Variants in UBE2E2 observed in about 807,000 individuals in gnomAD.
The protein encoded by UBE2E2 is ubiquitin conjugating enzyme E2 E2.
In UBE2E2, 6 loss-of-function variants were observed where a neutral mutation model predicts 24.7. The observed-to-expected ratio is 0.24, with a 90% CI of 0.13 to 0.48. UBE2E2 has a LOEUF of 0.48. UBE2E2 is among the 20% of genes least tolerant of loss of function. The probability of loss-of-function intolerance (pLI) is 0.99; values close to 1 mark genes in which losing one functional copy is unlikely to be tolerated. For synonymous variants in UBE2E2, 104 were observed against 83.6 expected (o/e 1.24, Z -1.33); for missense variants, 169 against 245.0 (o/e 0.69, Z 2.07).
chr3:23,495,363 A>G (rs1476172534), intron 3 of UBE2E2, among the ~76,000 whole-genome samples: 2 of 152,184 alleles, frequency 1.3e-5, no homozygotes. Context: ...TCCCTTCCTC[A>G]GCCACACTAT....
intron 3 of UBE2E2, among the ~76,000 whole-genome samples, chr3:23,243,280 A>G (rs567271796): frequency 1.3e-5 from 2 of 152,138 alleles, no homozygotes; most frequent in Non-Finnish European, 2.9e-5. Flanking sequence ...TACTACTACT[A>G]ATACCATTAT....
intron 3 of UBE2E2, chr3:23,389,552 G>A: frequency 4.8e-6 from 1 of 206,698 alleles, no homozygotes. Context: ...CTGAGTCTTT[G>A]AAAATCTTCT....
chr3:23,560,899 AC>A (rs1417597035), intron 5 of UBE2E2, among the ~76,000 whole-genome samples: 2 of 151,990 alleles, frequency 1.3e-5, no homozygotes, highest in Non-Finnish European at 2.9e-5. Flanking sequence ...TCCTTTGCCC[AC>A]TTTTTGATGG....
At chr3:23,296,248 T>A (rs980739440) in intron 3 of UBE2E2, among the ~76,000 whole-genome samples, 1 of 152,202 alleles carries the variant, frequency 6.6e-6, no homozygotes, top group African/African-American at 2.4e-5. Context: ...TCACACTAGT[T>A]TGCATATTAT....
chr3:23,504,504 C>T (rs755101220), intron 4 of UBE2E2, among the ~76,000 whole-genome samples: 2 of 152,068 alleles, frequency 1.3e-5, no homozygotes, highest in Non-Finnish European at 2.9e-5. Context: ...TTTTTGGTAA[C>T]GATTGACAAA....
intron 3 of UBE2E2, among the ~76,000 whole-genome samples, chr3:23,432,603 G>T (rs1484662741): frequency 2.6e-5 from 4 of 151,642 alleles, no homozygotes; most frequent in Non-Finnish European, 5.9e-5. Context: ...TTACTTTCTC[G>T]TCTCAAGTTC....
intron 5 of UBE2E2, among the ~76,000 whole-genome samples, chr3:23,545,734 T>C (rs922789620): frequency 6.6e-6 from 1 of 152,118 alleles, no homozygotes; most frequent in African/African-American, 2.4e-5. Flanking sequence ...ACAGCGCAAT[T>C]GACAATCGCA....
At chr3:23,204,926 T>A (rs1308416815) in intron 1 of UBE2E2, 2 of 218,002 alleles carry the variant, frequency 9.2e-6, no homozygotes, top group East Asian at 3.7e-4. Context: ...GATACTGTTA[T>A]AAGGCTTACC....
intron 4 of UBE2E2, among the ~76,000 whole-genome samples, chr3:23,524,278 T>G (rs78373875): frequency 0.029 from 4,411 of 152,226 alleles, 107 homozygotes; most frequent in East Asian, 0.13. Flanking sequence ...CAAAATTACT[T>G]TTTATTTATA....
At chr3:23,304,400 T>C (rs945343633) in intron 3 of UBE2E2, among the ~76,000 whole-genome samples, 13 of 152,188 alleles carry the variant, frequency 8.5e-5, no homozygotes, top group African/African-American at 2.9e-4. Flanking sequence ...ATTTGTTGTG[T>C]TAGAACAGAT....
chr3:23,369,541 T>A lies in UBE2E2; in HGVS notation c.228-130067T>A, dbSNP rs140925175. ...GTACAGCTCATTTCCAGGGACTTGCTCTGTTGCTATTTCTCACTCAGCATG... is the reference window on the plus strand; with the variant it reads ...GTACAGCTCATTTCCAGGGACTTGCACTGTTGCTATTTCTCACTCAGCATG... On this transcript the variant is annotated intron_variant, in intron 3 of 5. Transcript: ENST00000396703. Among the ~76,000 whole-genome samples, 879 of 152,286 alleles carry A rather than the reference T, an allele frequency of 5.8e-3. 10 individuals are homozygous for A. The highest frequency in any genetic ancestry group is 0.02 in the African/African-American group (849 of 41,564).
intron 3 of UBE2E2, among the ~76,000 whole-genome samples, chr3:23,388,070 C>G (rs893021926): frequency 2.0e-5 from 3 of 152,130 alleles, no homozygotes; most frequent in African/African-American, 7.2e-5. Context: ...GCTGCTTTTT[C>G]CAAAACACCT....
intron 3 of UBE2E2, among the ~76,000 whole-genome samples, chr3:23,424,497 G>T (rs1651825090): frequency 1.4e-5 from 2 of 146,478 alleles, no homozygotes; most frequent in Admixed American, 6.8e-5. Flanking sequence ...CTTTTTCTTT[G>T]GCTTGCTAAG....
At position 23,457,907 on chromosome 3, in the gene UBE2E2, TGATGTGGCTGGTTTGATCTATTCAGAC is replaced by T. The variant is rs563900568; in HGVS notation, c.228-41700_228-41674del. Among the ~76,000 whole-genome samples, 1,325 of 152,292 alleles carry T rather than the reference TGATGTGGCTGGTTTGATCTATTCAGAC, an allele frequency of 8.7e-3. 38 individuals carry two copies. In the East Asian group the frequency reaches 0.089, roughly 10 times the overall value. On this transcript the variant is annotated intron_variant, in intron 3 of 5. Coordinates refer to ENST00000396703, the MANE Select transcript of UBE2E2 (RefSeq NM_152653.4). ...TGGATTAGGTTTTGGCTTGAAGGAGTGATGTGGCTGGTTTGATCTATTCAGACCACTAAAACTTTCTTCATATCAGCA... is the reference window on the plus strand; with the variant it reads ...TGGATTAGGTTTTGGCTTGAAGGAGTCACTAAAACTTTCTTCATATCAGCA...
intron 5 of UBE2E2, among the ~76,000 whole-genome samples, chr3:23,538,530 G>A (rs1695316452): frequency 1.3e-5 from 2 of 152,094 alleles, no homozygotes; most frequent in Non-Finnish European, 2.9e-5. Flanking sequence ...GTTTATTAAA[G>A]CCTTTGGGTT....
At chr3:23,504,890 G>A (rs1053320142) in intron 4 of UBE2E2, among the ~76,000 whole-genome samples, 4 of 104,784 alleles carry the variant, frequency 3.8e-5, no homozygotes. Context: ...TGTGTCTAAT[G>A]TTTCTGTTTC....
In UBE2E2 at chr3:23,589,253, C is replaced by CA. The variant is rs77436946; in HGVS notation, c.509-472dup. 1.3e-5 allele frequency among the ~76,000 whole-genome samples: 2 copies of CA among 150,592 alleles called. No homozygotes were observed. The highest frequency in any genetic ancestry group is 2.4e-5 in the African/African-American group (1 of 41,024). On this transcript the variant is annotated intron_variant, in intron 5 of 5. Coordinates refer to ENST00000396703, the MANE Select transcript of UBE2E2 (RefSeq NM_152653.4). The surrounding 1 kb of genome is among the most constrained non-coding windows in gnomAD (Gnocchi z 4.1). ...CAACATAGTGAGACCCCCAAAATTA[C>CA]AAAAAAAAATTTGAAAATTAGCCAG... is the stretch of plus-strand genomic sequence containing the variant.
At chr3:23,330,970 A>G (rs1695043452) in intron 3 of UBE2E2, among the ~76,000 whole-genome samples, 1 of 152,172 alleles carries the variant, frequency 6.6e-6, no homozygotes, top group Admixed American at 6.5e-5. Context: ...TATAATTAAT[A>G]TATTAGTTGA....
chr3:23,360,186 C>T (rs564830685), intron 3 of UBE2E2, among the ~76,000 whole-genome samples: 3 of 152,110 alleles, frequency 2.0e-5, no homozygotes, highest in Non-Finnish European at 4.4e-5. Flanking sequence ...CAGAGTGACA[C>T]GATGTTCCAA....
Sources: allele counts gnomAD v4.1 joint callset (sites outside exome capture counted in the v4.1 genomes callset), GRCh38; gene constraint gnomAD v4.1.1; non-coding constraint Gnocchi (gnomAD v3.1); transcripts MANE v1.5; gene names NCBI Gene and HGNC (gene_info 2026-07-23, HGNC 2026-07-21).